The following DMC1 variants were observed in gnomAD, a reference collection of about 807,000 sequenced individuals.
The protein encoded by DMC1 is DNA meiotic recombinase 1.
Under a neutral mutation model 50.1 loss-of-function variants are expected in DMC1, and 27 were observed. The ratio of observed to expected loss-of-function variants is 0.54; its 90% CI spans 0.40 to 0.74. The LOEUF is 0.74. DMC1 is among the 30% of genes least tolerant of loss of function. The pLI, the probability that DMC1 is intolerant of heterozygous loss-of-function variation, is 0.00. For missense variants in DMC1, 295 were observed against 420.2 expected, an observed-to-expected ratio of 0.70 and a Z score of 2.60; for synonymous variants, 148 against 136.1, an observed-to-expected ratio of 1.09 and a Z score of -0.61.
intron 12 of DMC1, among the ~76,000 whole-genome samples, chr22:38,532,636 T>G (rs1235846987): frequency 6.6e-6 from 1 of 151,556 alleles, no homozygotes; most frequent in Admixed American, 6.6e-5. Flanking sequence ...TTTTTTTTTT[T>G]TGAGACAGGT....
At chr22:38,538,518 G>C (rs2090242978) in intron 10 of DMC1, 21 bp downstream of exon 10, 7 of 1,612,040 alleles carry the variant, frequency 4.3e-6, no homozygotes, top group African/African-American at 2.7e-5. Flanking sequence ...CTCTGTGAAA[G>C]CAATATTTAA....
the DMC1 span, among the ~76,000 whole-genome samples, chr22:38,510,069 G>C: frequency 3.9e-5 from 6 of 152,062 alleles, no homozygotes; most frequent in African/African-American, 1.4e-4. Flanking sequence ...AAAAAAATTA[G>C]CTGGGCGTGA....
intron 12 of DMC1, among the ~76,000 whole-genome samples, chr22:38,529,015 C>T (rs1299485482): frequency 6.6e-6 from 1 of 151,726 alleles, no homozygotes; most frequent in East Asian, 1.9e-4. Context: ...TTCTTTCTTT[C>T]TTTCTTTTTT....
chr22:38,532,869 A>G (rs1162006290), intron 12 of DMC1, among the ~76,000 whole-genome samples: 1 of 151,938 alleles, frequency 6.6e-6, no homozygotes, highest in Non-Finnish European at 1.5e-5. Context: ...CGGCCTCCCA[A>G]AGTGCTGGGA....
chr22:38,528,775 C>G (rs557966574), intron 12 of DMC1, among the ~76,000 whole-genome samples: 1 of 152,118 alleles, frequency 6.6e-6, no homozygotes, highest in East Asian at 1.9e-4. Context: ...AACAGAGACC[C>G]TGTCTCAAAA....
intron 12 of DMC1, among the ~76,000 whole-genome samples, chr22:38,524,752 C>T (rs186003647): frequency 2.0e-5 from 3 of 152,258 alleles, no homozygotes; most frequent in Admixed American, 6.5e-5. Flanking sequence ...AAACTGGCCC[C>T]CTCTGTGCTT....
At chr22:38,545,246 C>CA (rs1274305138) in intron 8 of DMC1, among the ~76,000 whole-genome samples, 1 of 151,396 alleles carries the variant, frequency 6.6e-6, no homozygotes, top group African/African-American at 2.4e-5. Context: ...CTATCTCTAC[C>CA]AAAAAAATAC....
chr22:38,549,621 CAAA>C, intron 8 of DMC1: 1 of 205,388 alleles, frequency 4.9e-6, no homozygotes, highest in Non-Finnish European at 9.4e-6. Flanking sequence ...GATTCCGTCT[CAAA>C]AAAAAAAAAA....
chr22:38,549,833 G>A, intron 8 of DMC1, 92 bp downstream of exon 8: 1 of 941,668 alleles, frequency 1.1e-6, no homozygotes, highest in South Asian at 1.4e-5. Flanking sequence ...TTTATGGAAT[G>A]ACTACAAAGA....
In DMC1 at chr22:38,568,215, T is replaced by C; in HGVS notation, c.42A>G (p.Gln14=). ...DQVVAEEPGF[Q]DEEESLFQDI... The stretch of plus-strand genomic sequence containing the variant: ...AACATTTTAGTCATACCTCTTCATC[T>C]TGGAATCCTGGTTCTTCCGCCACAA... The change falls in exon 2 of 14, where the codon CAA becomes CAG. Residue 14 remains glutamine, a synonymous_variant. Coordinates refer to ENST00000216024, the MANE Select transcript of DMC1 (RefSeq NM_007068.4). 1 of 1,614,124 alleles carries C rather than the reference T, an allele frequency of 6.2e-7. No homozygotes were observed. The highest frequency in any genetic ancestry group is 8.5e-7 in the Non-Finnish European group (1 of 1,179,958).
intron 8 of DMC1, among the ~76,000 whole-genome samples, chr22:38,543,268 C>T (rs751199560): frequency 7.6e-4 from 111 of 146,936 alleles, no homozygotes; most frequent in Admixed American, 1.7e-3. Flanking sequence ...CTCGCTCTGT[C>T]ACCCAGGCTG....
At chr22:38,513,996 G>A (rs754952191), downstream of DMC1, among the ~76,000 whole-genome samples, 5 of 152,168 alleles carry the variant, frequency 3.3e-5, no homozygotes, top group Admixed American at 1.3e-4. Flanking sequence ...ATAGCAGCAC[G>A]GAAATCAGCA....
chr22:38,562,922 C>T (rs1405247718), intron 4 of DMC1, among the ~76,000 whole-genome samples: 1 of 152,082 alleles, frequency 6.6e-6, no homozygotes, highest in East Asian at 1.9e-4. Flanking sequence ...CACTTGCCAC[C>T]ATGCCCGGCT....
At chr22:38,513,809 G>A in the DMC1 span, among the ~76,000 whole-genome samples, 1 of 152,178 alleles carries the variant, frequency 6.6e-6, no homozygotes, top group Non-Finnish European at 1.5e-5. Flanking sequence ...CAGGTGATCC[G>A]CCCTCCTCGG....
chr22:38,549,706 C>T (rs1346339772), intron 8 of DMC1: 2 of 505,454 alleles, frequency 4.0e-6, no homozygotes, highest in Non-Finnish European at 7.1e-6. Context: ...AATTTCCTCT[C>T]ATGTATTTGT....
intron 6 of DMC1, among the ~76,000 whole-genome samples, chr22:38,553,733 C>T (rs1329716676): frequency 6.6e-6 from 1 of 150,986 alleles, no homozygotes; most frequent in African/African-American, 2.4e-5. Flanking sequence ...CCGAGGCGGG[C>T]AGGCTGCATG....
In DMC1 at chr22:38,520,020, C is replaced by T; in HGVS notation, c.1023G>A (p.Ter341=). 6.2e-7 allele frequency: 1 copy of T among 1,613,440 alleles called. No individual in the cohort carries two copies. Among genetic ancestry groups the T allele is most frequent in the Non-Finnish European group, 8.5e-7 (1 of 1,179,496 alleles). The change falls in exon 14 of 14, where the codon TAG becomes TAA. Residue 341 remains the stop codon, a stop_retained_variant. Coordinates refer to ENST00000216024, the MANE Select transcript of DMC1 (RefSeq NM_007068.4). ...GAAGCAATTTGCATCAATTCACCAC[C>T]TACTCCTTGGCATCCCCAATTCCTC... ...TAGGIGDAKE[*]
At chr22:38,538,747 T>A in intron 9 of DMC1, 135 bp from the exon 10 acceptor site, 1 of 847,632 alleles carries the variant, frequency 1.2e-6, no homozygotes, top group Non-Finnish European at 2.0e-6. Context: ...TATTAAATAT[T>A]ATTGCAGCAG....
chr22:38,517,833 A>G (rs2089986635), downstream of DMC1, among the ~76,000 whole-genome samples: 1 of 152,208 alleles, frequency 6.6e-6, no homozygotes, highest in Non-Finnish European at 1.5e-5. Context: ...AAAGGAAGAA[A>G]AAAAGCTCCT....
Sources: allele counts gnomAD v4.1 joint callset (sites outside exome capture counted in the v4.1 genomes callset), GRCh38; gene constraint gnomAD v4.1.1; transcripts MANE v1.5; gene names NCBI Gene and HGNC (gene_info 2026-07-23, HGNC 2026-07-21).